Variants in HELZ observed in about 807,000 individuals in gnomAD.
HELZ encodes ATP-dependent RNA helicase with zinc finger domain.
HELZ carries 23 observed loss-of-function variants against 218.2 expected under a neutral mutation model. The observed-to-expected ratio is 0.11, with a 90% confidence interval of 0.08 to 0.15. HELZ has a LOEUF of 0.15. HELZ is among the 10% of genes least tolerant of loss of function. The pLI is 1.00. For synonymous variants in HELZ, 814 were observed against 829.4 expected (o/e 0.98, Z 0.32); for missense variants, 1,813 against 2,353.7 (o/e 0.77, Z 4.75).
At position 67,197,287 on chromosome 17, in the gene HELZ, C is replaced by G. The variant is rs376037739; in HGVS notation, c.430-1817G>C. On this transcript the variant is annotated intron_variant, in intron 7 of 32. Transcript: ENST00000358691. Reference sequence around the variant, plus strand: ...CCGCCATGTGAGATGTACCTTTCACCTTCTGCTGATTGTGAGCCCTCCCCA... The same window carrying G: ...CCGCCATGTGAGATGTACCTTTCACGTTCTGCTGATTGTGAGCCCTCCCCA... Among the ~76,000 whole-genome samples, 7 of 150,128 alleles carry G rather than the reference C, an allele frequency of 4.7e-5. No individual in the cohort carries two copies. In the East Asian group the frequency reaches 9.6e-4, roughly 21 times the overall value.
intron 3 of HELZ, among the ~76,000 whole-genome samples, chr17:67,219,670 G>C (rs2040693223): frequency 1.3e-5 from 2 of 152,136 alleles, no homozygotes; most frequent in Admixed American, 1.3e-4. Flanking sequence ...ACAACAAGAA[G>C]CAAGGGTTTT....
intron 5 of HELZ, among the ~76,000 whole-genome samples, chr17:67,213,455 C>CA: frequency 6.6e-6 from 1 of 152,198 alleles, no homozygotes; most frequent in Non-Finnish European, 1.5e-5. Context: ...AACCCTGTCT[C>CA]TACTAAAAAT....
Position 67,178,887 on chromosome 17 carries a change from G to T in HELZ, c.1202C>A (p.Thr401Asn), listed in dbSNP as rs2039531028. 1 of 1,610,042 alleles carries T rather than the reference G, an allele frequency of 6.2e-7. No individual in the cohort carries two copies. The highest frequency in any genetic ancestry group is 8.5e-7 in the Non-Finnish European group (1 of 1,176,798). The stretch of plus-strand genomic sequence containing the variant: ...GGAAGAATCCCAACGTTTAGCTGTG[G>T]TTACTAGCTGCTGTTTTGCATGCAT... ...YLMHAKQQLV[T>N]TAKRWDSSSK... The change falls in exon 13 of 33, where the codon ACC becomes AAC. Residue 401 changes from threonine (T) to asparagine (N), a missense_variant. Thr to Asn is a moderately conservative substitution (Grantham distance 65). Transcript: ENST00000358691.
At chr17:67,222,552 C>A (rs1377512759) in intron 3 of HELZ, among the ~76,000 whole-genome samples, 1 of 152,104 alleles carries the variant, frequency 6.6e-6, no homozygotes, top group East Asian at 1.9e-4. Context: ...TTAATCAGGG[C>A]CTGATGACTA....
chr17:67,143,774 G>A (rs1312755267), intron 21 of HELZ, among the ~76,000 whole-genome samples: 1 of 152,082 alleles, frequency 6.6e-6, no homozygotes, highest in East Asian at 1.9e-4. Flanking sequence ...ACAATTTTAA[G>A]CATGTGAAAG....
chr17:67,207,488 G>A (rs1321491008), intron 5 of HELZ, among the ~76,000 whole-genome samples: 2 of 151,996 alleles, frequency 1.3e-5, no homozygotes, highest in Non-Finnish European at 2.9e-5. Flanking sequence ...CCCAAGAGCT[G>A]GGATTACAGG....
intron 10 of HELZ, 80 bp downstream of exon 10, chr17:67,190,077 A>G (rs2039853933): frequency 8.1e-7 from 1 of 1,239,454 alleles, no homozygotes; most frequent in Non-Finnish European, 1.2e-6. Flanking sequence ...GAAATAAACC[A>G]AAATAGAGCA....
chr17:67,086,631 A>ATATATATAAAAATAAATATAAAT (rs1598183996), intron 32 of HELZ, among the ~76,000 whole-genome samples, 198 bp downstream of exon 32: 4 of 93,318 alleles, frequency 4.3e-5, no homozygotes, highest in Non-Finnish European at 8.1e-5. Context: ...TATAAATATA[A>ATATATATAAAAATAAATATAAAT]ATATATATAT....
rs111885642 is a variant in HELZ at position 67,122,082 on chromosome 17, T to C, written c.3630+888A>G. On this transcript the variant is annotated intron_variant, in intron 26 of 32. Coordinates refer to ENST00000358691, the MANE Select transcript of HELZ (RefSeq NM_014877.4). ...AATTTTAAAGATTACAAATTACAAA[T>C]TAAGATTACAATTAAATATTTTAAA... 1.1e-4 allele frequency among the ~76,000 whole-genome samples: 17 copies of C among 152,302 alleles called. 1 individual carries two copies. Among genetic ancestry groups the C allele is most frequent in the African/African-American group, 3.8e-4 (16 of 41,578 alleles).
chr17:67,187,604 T>C (rs1198882594), intron 12 of HELZ, among the ~76,000 whole-genome samples: 1 of 152,184 alleles, frequency 6.6e-6, no homozygotes. Flanking sequence ...GTTTGTTAAA[T>C]AAAAAGTTTT....
intron 32 of HELZ, among the ~76,000 whole-genome samples, chr17:67,078,866 T>C (rs1249092174): frequency 6.6e-6 from 1 of 152,252 alleles, no homozygotes; most frequent in Non-Finnish European, 1.5e-5. Flanking sequence ...AAAAACTAGT[T>C]TGTGTAACTG....
rs1598185691 is a variant in HELZ at position 67,087,025 on chromosome 17, T to C, written c.5298A>G (p.Ser1766=). 1 of 1,613,926 alleles carries C rather than the reference T, an allele frequency of 6.2e-7. No individual in the cohort carries two copies. Among genetic ancestry groups the C allele is most frequent in the East Asian group, 2.2e-5 (1 of 44,878 alleles). The change falls in exon 32 of 33, where the codon TCA becomes TCG. Residue 1766 remains serine, a synonymous_variant. Coordinates refer to ENST00000358691, the MANE Select transcript of HELZ (RefSeq NM_014877.4). ...PLYQRRISSS[S]VQPCSEEVST... The stretch of plus-strand genomic sequence containing the variant: ...TTACTTCTTCAGAACAAGGTTGAAC[T>C]GAGCTAGATGAGATTCTTCTTTGGT...
intron 4 of HELZ, among the ~76,000 whole-genome samples, chr17:67,216,853 C>T (rs1567900508): frequency 4.6e-5 from 7 of 152,138 alleles, no homozygotes. Flanking sequence ...ACCAGGACTC[C>T]TTCCTCTCAC....
chr17:67,086,722 T>C, intron 32 of HELZ, 107 bp downstream of exon 32: 1 of 1,134,592 alleles, frequency 8.8e-7, no homozygotes, highest in Non-Finnish European at 1.3e-6. Flanking sequence ...TAAATATTGT[T>C]CAAAGATGAT....
chr17:67,165,765 G>C (rs2039124850), intron 15 of HELZ, among the ~76,000 whole-genome samples: 1 of 152,156 alleles, frequency 6.6e-6, no homozygotes, highest in Non-Finnish European at 1.5e-5. Context: ...ATTAACTGGA[G>C]AGCAGTTTCT....
chr17:67,147,970 C>T (rs1240281363), intron 20 of HELZ, among the ~76,000 whole-genome samples: 1 of 152,252 alleles, frequency 6.6e-6, no homozygotes, highest in Non-Finnish European at 1.5e-5. Context: ...TCATCTGTAT[C>T]CTCTGTAATA....
At chr17:67,202,851 C>T (rs966025723) in intron 6 of HELZ, among the ~76,000 whole-genome samples, 46 of 152,118 alleles carry the variant, frequency 3.0e-4, no homozygotes, top group African/African-American at 1.1e-3. Context: ...GAAAAAAGAG[C>T]AGGGGCTCAC....
Position 67,190,093 on chromosome 17 carries a change from T to G in HELZ, c.756+64A>C. 3.7e-6 allele frequency: 5 copies of G among 1,363,214 alleles called. No homozygotes were observed. The Admixed American group carries it at 8.5e-5, about 23-fold the overall frequency. 84.4% of individuals were successfully genotyped at this position (1,363,214 alleles called of 1,614,324 possible). ...AAATAAACCAAAATAGAGCACACAA[T>G]AAAGTCAAGACTCAAGTTCATTGTT... On this transcript the variant is annotated intron_variant, in intron 10 of 32. Transcript: ENST00000358691.
chr17:67,138,142 T>C (rs779006058), intron 21 of HELZ, 28 bp from the exon 22 acceptor site: 3 of 1,537,666 alleles, frequency 2.0e-6, no homozygotes, highest in East Asian at 4.6e-5. Flanking sequence ...CACATACATA[T>C]TAAAGTTATC....
Sources: allele counts gnomAD v4.1 joint callset (sites outside exome capture counted in the v4.1 genomes callset), GRCh38; gene constraint gnomAD v4.1.1; transcripts MANE v1.5; gene names NCBI Gene and HGNC (gene_info 2026-07-23, HGNC 2026-07-21).